Variants in CSMD1 observed in about 807,000 individuals in gnomAD.
CSMD1 encodes CUB and Sushi multiple domains 1, also known as CUB and sushi domain-containing protein 1.
A neutral mutation model predicts 417.5 loss-of-function variants in CSMD1; 213 were observed. The ratio of observed to expected loss-of-function variants is 0.51; its 90% CI spans 0.46 to 0.57. The LOEUF (loss-of-function observed/expected upper bound fraction) is 0.57. Ranked by LOEUF, CSMD1 falls within the 20% of genes least tolerant of loss-of-function variation. The probability of loss-of-function intolerance (pLI) is 0.00; values close to 1 mark genes in which losing one functional copy is unlikely to be tolerated. For missense variants in CSMD1, 6,923 were observed against 4,529.7 expected (o/e 1.53, Z -15.17); for synonymous variants, 2,862 against 1,736.8 (o/e 1.65, Z -16.11).
chr8:4,713,555 C>T (rs980375320), intron 1 of CSMD1, among the ~76,000 whole-genome samples: 3 of 152,182 alleles, frequency 2.0e-5, no homozygotes, highest in African/African-American at 7.2e-5. Context: ...GCGGCTGCCA[C>T]CACGCCTAGT....
intron 5 of CSMD1, among the ~76,000 whole-genome samples, chr8:3,852,577 G>C (rs34971236): frequency 0.11 from 16,971 of 152,154 alleles, 1,123 homozygotes; most frequent in South Asian, 0.18. Flanking sequence ...ATGGAGTAGA[G>C]GACTTACTCG....
intron 3 of CSMD1, among the ~76,000 whole-genome samples, chr8:4,131,818 AG>A (rs1220480612): frequency 1.6e-5 from 2 of 122,590 alleles, no homozygotes; most frequent in African/African-American, 6.3e-5. Context: ...GCTGGACTGC[AG>A]TGGTGCGATC....
intron 23 of CSMD1, among the ~76,000 whole-genome samples, chr8:3,324,469 A>C (rs1184953870): frequency 2.4e-5 from 3 of 124,370 alleles, no homozygotes; most frequent in Non-Finnish European, 3.4e-5. Context: ...CCTTCCCCCC[A>C]CCATTCTTCA....
At chr8:4,180,406 A>G (rs2552104) in intron 3 of CSMD1, among the ~76,000 whole-genome samples, 84,591 of 136,458 alleles carry the variant, frequency 0.62, 26,419 homozygotes, top group Non-Finnish European at 0.66. Context: ...GAAGGGGAAC[A>G]TCACACTCTG....
chr8:3,401,858 T>A (rs1189183406), intron 15 of CSMD1, among the ~76,000 whole-genome samples: 1 of 151,996 alleles, frequency 6.6e-6, no homozygotes, highest in Non-Finnish European at 1.5e-5. Flanking sequence ...AAATATTTGA[T>A]GAACATCATC....
At chr8:3,025,591 C>G (rs906663697) in intron 51 of CSMD1, among the ~76,000 whole-genome samples, 1 of 152,234 alleles carries the variant, frequency 6.6e-6, no homozygotes, top group Non-Finnish European at 1.5e-5. Flanking sequence ...CAAGCATCTC[C>G]CTTTCCAATG....
At chr8:4,495,430 C>G (rs539985859) in intron 2 of CSMD1, among the ~76,000 whole-genome samples, 2 of 152,124 alleles carry the variant, frequency 1.3e-5, no homozygotes, top group East Asian at 1.9e-4. Context: ...AGAAAATTAG[C>G]TAGGCCTGGT....
chr8:4,503,113 G>A (rs1154098), intron 2 of CSMD1, among the ~76,000 whole-genome samples: 98,822 of 151,518 alleles, frequency 0.65, 32,246 homozygotes, highest in African/African-American at 0.68. Flanking sequence ...GAATCTTAGA[G>A]AACTATGTGT....
At chr8:3,475,391 C>T (rs1817347953) in intron 11 of CSMD1, among the ~76,000 whole-genome samples, 2 of 152,154 alleles carry the variant, frequency 1.3e-5, no homozygotes, top group South Asian at 4.1e-4. Flanking sequence ...TTAACCTACA[C>T]TGTATTCATT....
chr8:4,190,497 T>C (rs902916868), intron 3 of CSMD1, among the ~76,000 whole-genome samples: 3 of 151,542 alleles, frequency 2.0e-5, no homozygotes, highest in African/African-American at 4.8e-5. Flanking sequence ...CCAAGTAAAA[T>C]AATACAATCA....
chr8:4,335,839 T>A (rs1309462186), intron 3 of CSMD1, among the ~76,000 whole-genome samples: 1 of 151,844 alleles, frequency 6.6e-6, no homozygotes, highest in Non-Finnish European at 1.5e-5. Flanking sequence ...AGGGGTTGAT[T>A]GGGGTATCTA....
intron 3 of CSMD1, among the ~76,000 whole-genome samples, chr8:4,328,593 AAT>A (rs1388669148): frequency 1.3e-5 from 2 of 152,144 alleles, no homozygotes; most frequent in African/African-American, 4.8e-5. Context: ...AAAAATTAAA[AAT>A]GAAGTCATTT....
At chr8:4,455,908 G>C (rs897064090) in intron 2 of CSMD1, among the ~76,000 whole-genome samples, 2 of 78,776 alleles carry the variant, frequency 2.5e-5, no homozygotes, top group Non-Finnish European at 4.7e-5. Flanking sequence ...CAGCCTGGGT[G>C]ACAAAGTGAG....
chr8:2,997,892 G>A, intron 54 of CSMD1, 119 bp downstream of exon 54: 1 of 927,638 alleles, frequency 1.1e-6, no homozygotes, highest in Non-Finnish European at 1.5e-6. Context: ...TGAATGGTGA[G>A]AGTTTGCAGA....
At chr8:4,512,610 A>C (rs1802882436) in intron 2 of CSMD1, among the ~76,000 whole-genome samples, 1 of 152,194 alleles carries the variant, frequency 6.6e-6, no homozygotes, top group Non-Finnish European at 1.5e-5. Context: ...AGTTAACACT[A>C]ATGCACAAAA....
chr8:4,764,901 C>T (rs78853609), intron 1 of CSMD1, among the ~76,000 whole-genome samples: 292 of 13,148 alleles, frequency 0.022, 7 homozygotes, highest in South Asian at 0.22. Context: ...AAAACAACAA[C>T]AACAAAAAAA....
At chr8:4,223,826 C>G (rs1801189169) in intron 3 of CSMD1, among the ~76,000 whole-genome samples, 1 of 152,070 alleles carries the variant, frequency 6.6e-6, no homozygotes, top group South Asian at 2.1e-4. Context: ...AAACTGTTTT[C>G]TTTTTTTGTT....
rs540430917 is a variant in CSMD1 at position 3,638,183 on chromosome 8, A to G, written c.1010-21386T>C. 1.1e-3 allele frequency among the ~76,000 whole-genome samples: 162 copies of G among 152,294 alleles called. 1 individual carries two copies. Among genetic ancestry groups the G allele is most frequent in the African/African-American group, 3.7e-3 (152 of 41,566 alleles). ...ATGTTTCCTTCCAATATTTTACTTC[A>G]AACCCAGTTCAGCAAGTCTTGGAGT... On this transcript the variant is annotated intron_variant, in intron 7 of 69. Transcript: ENST00000635120.
chr8:3,799,557 A>G (rs567229286), intron 5 of CSMD1, among the ~76,000 whole-genome samples: 2 of 152,014 alleles, frequency 1.3e-5, no homozygotes, highest in South Asian at 4.1e-4. Flanking sequence ...TGTGACTAAT[A>G]AAACCTTATC....
Sources: gnomAD v4.1 joint callset for allele counts (sites outside exome capture counted in the v4.1 genomes callset) on GRCh38, gnomAD v4.1.1 for gene constraint, MANE v1.5 for transcripts, NCBI Gene and HGNC (gene_info 2026-07-23, HGNC 2026-07-21) for gene names.